ACACA: variants seen among roughly 807,000 people sequenced by gnomAD.
The protein encoded by ACACA is acetyl-CoA carboxylase alpha.
A neutral mutation model predicts 296.1 loss-of-function variants in ACACA; 103 were observed. That is an observed-to-expected ratio of 0.35 (90% CI 0.30 to 0.41). The LOEUF (loss-of-function observed/expected upper bound fraction) is 0.41. Ranked by LOEUF, ACACA falls within the 10% of genes least tolerant of loss-of-function variation. The probability of loss-of-function intolerance (pLI) is 1.00; values close to 1 mark genes in which losing one functional copy is unlikely to be tolerated. For synonymous variants in ACACA, 953 were observed against 1,038.6 expected, an observed-to-expected ratio of 0.92 and a Z score of 1.58; for missense variants, 1,554 against 2,989.7, an observed-to-expected ratio of 0.52 and a Z score of 11.20.
At chr17:37,166,916 T>C (rs937582170) in intron 41 of ACACA, among the ~76,000 whole-genome samples, 1 of 152,138 alleles carries the variant, frequency 6.6e-6, no homozygotes, top group Non-Finnish European at 1.5e-5. Context: ...AGGAATTAAG[T>C]AACCTGTCCT....
At chr17:37,320,026 T>A (rs1399035097) in intron 3 of ACACA, among the ~76,000 whole-genome samples, 4 of 151,898 alleles carry the variant, frequency 2.6e-5, no homozygotes, top group Non-Finnish European at 5.9e-5. Flanking sequence ...ACTCAGGGAC[T>A]GAGCAAGAGG....
intron 1 of ACACA, among the ~76,000 whole-genome samples, chr17:37,381,055 T>C (rs1435408278): frequency 1.3e-5 from 2 of 152,074 alleles, no homozygotes; most frequent in African/African-American, 4.8e-5. Context: ...TTATATTTCC[T>C]TCCGGAGATA....
chr17:37,133,620 TC>T (rs1400843262), intron 45 of ACACA, among the ~76,000 whole-genome samples: 1 of 152,174 alleles, frequency 6.6e-6, no homozygotes, highest in Non-Finnish European at 1.5e-5. Context: ...ACAACTCTCA[TC>T]AACATATTTT....
At chr17:37,285,073 G>T in intron 3 of ACACA, 103 bp from the exon 4 acceptor site, 1 of 1,309,212 alleles carries the variant, frequency 7.6e-7, no homozygotes, top group Non-Finnish European at 1.1e-6. Flanking sequence ...ATCCTGTGAA[G>T]ACTGCATGCT....
intron 11 of ACACA, among the ~76,000 whole-genome samples, chr17:37,262,976 C>T (rs2081583051): frequency 1.3e-5 from 2 of 152,140 alleles, no homozygotes; most frequent in Non-Finnish European, 1.5e-5. Flanking sequence ...GTGATCTGTC[C>T]GCCTTAGCCT....
chr17:37,199,444 T>C (rs1326082076), intron 35 of ACACA, among the ~76,000 whole-genome samples: 2 of 152,158 alleles, frequency 1.3e-5, no homozygotes, highest in Non-Finnish European at 2.9e-5. Flanking sequence ...ATAGTTTGGA[T>C]GCCAGGCTAT....
intron 25 of ACACA, among the ~76,000 whole-genome samples, chr17:37,229,627 A>C (rs905567853): frequency 6.6e-6 from 1 of 152,046 alleles, no homozygotes; most frequent in Admixed American, 6.5e-5. Flanking sequence ...TCTAACTTAA[A>C]AGACAAAACA....
chr17:37,396,686 A>G (rs1200349003), intron 1 of ACACA, among the ~76,000 whole-genome samples: 2 of 152,138 alleles, frequency 1.3e-5, no homozygotes, highest in Non-Finnish European at 2.9e-5. Flanking sequence ...TCCAAGGAAG[A>G]GTTGCTGCAT....
chr17:37,297,655 A>G (rs1388133857), intron 3 of ACACA, among the ~76,000 whole-genome samples: 2 of 151,572 alleles, frequency 1.3e-5, no homozygotes, highest in Non-Finnish European at 2.9e-5. Flanking sequence ...CGATCAAGCA[A>G]TTCTCCTGCC....
chr17:37,275,226 G>A (rs541281529), intron 8 of ACACA, among the ~76,000 whole-genome samples: 4 of 152,208 alleles, frequency 2.6e-5, no homozygotes, highest in African/African-American at 7.2e-5. Context: ...CGCCAGGCGC[G>A]GTGGCTCATG....
intron 14 of ACACA, 104 bp downstream of exon 14, chr17:37,257,599 T>C: frequency 8.7e-7 from 1 of 1,154,884 alleles, no homozygotes; most frequent in Non-Finnish European, 1.3e-6. Flanking sequence ...GTTGTTCATA[T>C]TATTACTTTG....
chr17:37,292,640 G>A (rs1338364025), intron 3 of ACACA, among the ~76,000 whole-genome samples: 3 of 152,250 alleles, frequency 2.0e-5, no homozygotes, highest in Admixed American at 2.0e-4. Context: ...AGGATGGCTT[G>A]AGGCCAGGAA....
chr17:37,352,402 G>A (rs2048947182), intron 1 of ACACA, among the ~76,000 whole-genome samples: 1 of 152,126 alleles, frequency 6.6e-6, no homozygotes, highest in Middle Eastern at 3.2e-3. Context: ...ATTTCATAGA[G>A]CTGCATTTAG....
intron 52 of ACACA, among the ~76,000 whole-genome samples, chr17:37,100,225 T>G (rs2073277076): frequency 6.6e-6 from 1 of 152,234 alleles, no homozygotes; most frequent in South Asian, 2.1e-4. Context: ...GGTGAAAGTT[T>G]GATAAGAAAC....
At chr17:37,249,731 T>C (rs1331323720) in intron 16 of ACACA, among the ~76,000 whole-genome samples, 2 of 152,166 alleles carry the variant, frequency 1.3e-5, no homozygotes, top group Non-Finnish European at 2.9e-5. Flanking sequence ...CTTCACAGCA[T>C]GCTACCATTT....
intron 42 of ACACA, among the ~76,000 whole-genome samples, chr17:37,160,171 T>C (rs1047616207): frequency 3.9e-5 from 6 of 151,984 alleles, no homozygotes; most frequent in African/African-American, 1.5e-4. Context: ...GGAGGGACAG[T>C]GACTGGAGGG....
chr17:37,343,779 A>T (rs1597656811), intron 1 of ACACA, among the ~76,000 whole-genome samples: 1 of 152,100 alleles, frequency 6.6e-6, no homozygotes, highest in African/African-American at 2.4e-5. Flanking sequence ...AAAAAAAAAA[A>T]AAAGTTTTCA....
intron 9 of ACACA, 88 bp from the exon 10 acceptor site, chr17:37,270,949 A>T: frequency 4.5e-6 from 4 of 881,958 alleles, no homozygotes; most frequent in Non-Finnish European, 7.6e-6. Context: ...TTAAGAATGC[A>T]GTCATTTAGT....
intron 3 of ACACA, among the ~76,000 whole-genome samples, chr17:37,307,916 T>C (rs1390389411): frequency 6.7e-6 from 1 of 149,738 alleles, no homozygotes; most frequent in Non-Finnish European, 1.5e-5. Context: ...GATATTTTAA[T>C]ATTCTTCTTC....
Sources: allele counts gnomAD v4.1 joint callset (sites outside exome capture counted in the v4.1 genomes callset), GRCh38; gene constraint gnomAD v4.1.1; transcripts MANE v1.5; gene names NCBI Gene and HGNC (gene_info 2026-07-23, HGNC 2026-07-21).